Variants in FAM169A observed in about 807,000 individuals in gnomAD.
FAM169A encodes family with sequence similarity 169 member A.
A neutral mutation model predicts 75.7 loss-of-function variants in FAM169A; 24 were observed. That is an observed-to-expected ratio of 0.32 (90% CI 0.23 to 0.45). The LOEUF (loss-of-function observed/expected upper bound fraction) is 0.45. Among genes scored for constraint, FAM169A ranks in the 20% least tolerant of loss-of-function variants. The probability of loss-of-function intolerance (pLI) is 1.00; values close to 1 mark genes in which losing one functional copy is unlikely to be tolerated. For synonymous variants in FAM169A, 271 were observed against 271.0 expected, an observed-to-expected ratio of 1.00 and a Z score of 0.00; for missense variants, 673 against 784.0, an observed-to-expected ratio of 0.86 and a Z score of 1.69.
intron 5 of FAM169A, among the ~76,000 whole-genome samples, chr5:74,831,847 AAACAT>A (rs1748326916): frequency 6.6e-6 from 1 of 152,140 alleles, no homozygotes; most frequent in Admixed American, 6.5e-5. Flanking sequence ...TCATAACTAA[AAACAT>A]TATGAGACAC....
chr5:74,858,795 A>G (rs938258473), intron 1 of FAM169A, among the ~76,000 whole-genome samples: 5 of 152,204 alleles, frequency 3.3e-5, no homozygotes, highest in Non-Finnish European at 4.4e-5. Context: ...AAATTTAGCT[A>G]TATTTTCCAC....
chr5:74,829,413 A>G (rs1326469884), intron 5 of FAM169A, among the ~76,000 whole-genome samples: 2 of 152,194 alleles, frequency 1.3e-5, no homozygotes, highest in African/African-American at 4.8e-5. Context: ...ATAGGCAATA[A>G]TTTGTCATTT....
chr5:74,820,208 C>A (rs1352072028), intron 5 of FAM169A, among the ~76,000 whole-genome samples: 1 of 151,932 alleles, frequency 6.6e-6, no homozygotes. Flanking sequence ...GTTGGCCAGG[C>A]TGGCCTCAAA....
intron 1 of FAM169A, among the ~76,000 whole-genome samples, chr5:74,861,268 C>A (rs1750022180): frequency 6.6e-6 from 1 of 152,154 alleles, no homozygotes; most frequent in South Asian, 2.1e-4. Context: ...CTTGGTTATT[C>A]CACTTGCTCT....
At chr5:74,782,174 T>C (rs1745447188) in intron 12 of FAM169A, among the ~76,000 whole-genome samples, 166 bp from the exon 13 acceptor site, 1 of 152,218 alleles carries the variant, frequency 6.6e-6, no homozygotes, top group East Asian at 1.9e-4. Context: ...GTATATATTC[T>C]GAATACAACT....
In FAM169A at chr5:74,781,634, C is replaced by T. The variant is rs1409006592; in HGVS notation, c.1839G>A (p.Glu613=). 10 of 1,614,152 alleles carry T rather than the reference C, an allele frequency of 6.2e-6. No individual in the cohort carries two copies. Among genetic ancestry groups the T allele is most frequent in the Non-Finnish European group, 7.6e-6 (9 of 1,180,000 alleles). ...GTTGCTCGGAAGATGCTTCAGACTG[C>T]TCCTCTGACTGATTCTTCTGTCCTG... The part of the protein sequence containing the change: ...QNAGQKNQSE[E]QSEASSEQLD... Residue 613 remains glutamate, a synonymous_variant, in exon 13 of 13, where the codon GAG becomes GAA. Transcript: ENST00000687041.
Position 74,781,390 on chromosome 5 carries a change from T to A in FAM169A, c.*70A>T. On this transcript the variant is annotated 3_prime_UTR_variant, in exon 13 of 13. Transcript: ENST00000687041. The stretch of plus-strand genomic sequence containing the variant: ...TTGTCCTGTGCCCCATGCTGTTTAT[T>A]AATTACCATATTTTAAAAACAACAA... 6.9e-7 allele frequency: 1 copy of A among 1,449,714 alleles called. No homozygotes were observed. The highest frequency in any genetic ancestry group is 9.4e-7 in the Non-Finnish European group (1 of 1,063,358). 89.8% of individuals were successfully genotyped at this position (1,449,714 alleles called of 1,614,324 possible).
intron 1 of FAM169A, among the ~76,000 whole-genome samples, chr5:74,852,329 C>T (rs1479909371): frequency 1.3e-5 from 2 of 152,142 alleles, no homozygotes; most frequent in African/African-American, 2.4e-5. Flanking sequence ...CCTCATTAAC[C>T]TGCTTGTGCT....
chr5:74,801,570 A>G lies in FAM169A; in HGVS notation c.952+20T>C, dbSNP rs375567852. 197 of 1,581,854 alleles carry G rather than the reference A, an allele frequency of 1.2e-4. No homozygotes were observed. Among genetic ancestry groups the G allele is most frequent in the Non-Finnish European group, 1.3e-4 (155 of 1,150,960 alleles). On this transcript the variant is annotated intron_variant, in intron 9 of 12. Coordinates refer to ENST00000687041, the MANE Select transcript of FAM169A (RefSeq NM_001376049.1). ...TGAAGTGTCTCAAATACTTACTGAT[A>G]TATCAGTTGAATTTCTTACCTTCGG...
rs374722709 is a variant in FAM169A at position 74,816,200 on chromosome 5, T to C, written c.491-2181A>G. ...GTGATCATGAAATTAACACACATTA[T>C]AAGTAGTGGTAGTCAAGTTTGAAGT... On this transcript the variant is annotated intron_variant, in intron 5 of 12. Coordinates refer to ENST00000687041, the MANE Select transcript of FAM169A (RefSeq NM_001376049.1). Among the ~76,000 whole-genome samples the C allele has an allele frequency of 3.9e-5, 6 of 152,284 alleles. No individual in the cohort carries two copies. In the South Asian group the frequency reaches 1.2e-3, roughly 32 times the overall value.
intron 5 of FAM169A, among the ~76,000 whole-genome samples, chr5:74,820,327 T>C (rs1193333700): frequency 1.3e-5 from 2 of 152,060 alleles, no homozygotes; most frequent in Non-Finnish European, 2.9e-5. Context: ...GTGAATTGTA[T>C]GGTATATGAA....
intron 2 of FAM169A, among the ~76,000 whole-genome samples, chr5:74,840,521 C>T (rs1449881300): frequency 1.4e-5 from 2 of 144,824 alleles, no homozygotes; most frequent in African/African-American, 5.2e-5. Context: ...ATTCCATTAT[C>T]TAGTTAAAAA....
At chr5:74,806,657 C>T (rs1746900552) in intron 6 of FAM169A, among the ~76,000 whole-genome samples, 1 of 152,152 alleles carries the variant, frequency 6.6e-6, no homozygotes, top group African/African-American at 2.4e-5. Context: ...TACTGAGGAA[C>T]TGAACTTAAA....
chr5:74,837,238 G>C (rs893968099), intron 4 of FAM169A, among the ~76,000 whole-genome samples: 1 of 152,032 alleles, frequency 6.6e-6, no homozygotes, highest in Non-Finnish European at 1.5e-5. Flanking sequence ...TTCACTATCA[G>C]AACTGTTCCT....
chr5:74,834,680 A>G, intron 4 of FAM169A, 83 bp from the exon 5 acceptor site: 2 of 1,112,438 alleles, frequency 1.8e-6, no homozygotes, highest in South Asian at 2.5e-5. Flanking sequence ...CCCTGCTCCC[A>G]TACCTCATAC....
chr5:74,843,051 TAAG>T (rs1192711178), intron 1 of FAM169A, among the ~76,000 whole-genome samples: 1 of 146,866 alleles, frequency 6.8e-6, no homozygotes, highest in Non-Finnish European at 1.5e-5. Flanking sequence ...AACGTAACAG[TAAG>T]AAGAAATAAG....
chr5:74,853,684 T>C (rs1749559409), intron 1 of FAM169A, among the ~76,000 whole-genome samples: 1 of 151,560 alleles, frequency 6.6e-6, no homozygotes. Context: ...ATCTAATCAC[T>C]GTGACCCATC....
intron 5 of FAM169A, 43 bp downstream of exon 5, chr5:74,834,383 A>G (rs1420472688): frequency 2.4e-6 from 3 of 1,259,374 alleles, no homozygotes; most frequent in Non-Finnish European, 3.1e-6. Flanking sequence ...TCTAAAATAG[A>G]GATTTCCATA....
chr5:74,820,693 G>A (rs1747726057), intron 5 of FAM169A, among the ~76,000 whole-genome samples: 1 of 152,124 alleles, frequency 6.6e-6, no homozygotes, highest in Non-Finnish European at 1.5e-5. Flanking sequence ...CATCTCTGCA[G>A]CACCCAGAAC....
Sources: gnomAD v4.1 joint callset for allele counts (sites outside exome capture counted in the v4.1 genomes callset) on GRCh38, gnomAD v4.1.1 for gene constraint, MANE v1.5 for transcripts, NCBI Gene and HGNC (gene_info 2026-07-23, HGNC 2026-07-21) for gene names.